ERG: variants seen among roughly 807,000 people sequenced by gnomAD.
ERG encodes ETS transcription factor ERG.
ERG carries 9 observed loss-of-function variants against 55.3 expected under a neutral mutation model. The observed-to-expected ratio is 0.16, with a 90% CI of 0.10 to 0.28. ERG has a LOEUF of 0.28. Ranked by LOEUF, ERG falls within the 10% of genes least tolerant of loss-of-function variation. ERG has a pLI of 1.00. For synonymous variants in ERG, 223 were observed against 237.3 expected, an observed-to-expected ratio of 0.94 and a Z score of 0.55; for missense variants, 434 against 631.6, an observed-to-expected ratio of 0.69 and a Z score of 3.35.
chr21:38,527,527 G>A (rs1232391114), intron 2 of ERG, among the ~76,000 whole-genome samples: 3 of 152,172 alleles, frequency 2.0e-5, no homozygotes, highest in Non-Finnish European at 2.9e-5. Flanking sequence ...AGTTTTGACC[G>A]CAGCTGATGA....
chr21:38,511,309 A>G (rs1204405221), intron 2 of ERG, among the ~76,000 whole-genome samples: 15 of 152,206 alleles, frequency 9.9e-5, no homozygotes, highest in Non-Finnish European at 2.2e-4. Context: ...ATATGAAATT[A>G]TTTCCAGCAT....
At chr21:38,449,839 G>A (rs2058924688) in intron 1 of ERG, among the ~76,000 whole-genome samples, 1 of 152,152 alleles carries the variant, frequency 6.6e-6, no homozygotes, top group Admixed American at 6.5e-5. Flanking sequence ...TTTGGGAGTG[G>A]TAAAGTGTTG....
At chr21:38,458,776 TTAAA>T (rs971358924) in intron 1 of ERG, among the ~76,000 whole-genome samples, 2 of 152,178 alleles carry the variant, frequency 1.3e-5, no homozygotes, top group African/African-American at 4.8e-5. Flanking sequence ...ACTTACTTAC[TTAAA>T]TATTTCACAG....
chr21:38,624,664 C>T (rs897200723), intron 1 of ERG, among the ~76,000 whole-genome samples: 2 of 152,132 alleles, frequency 1.3e-5, no homozygotes, highest in South Asian at 4.1e-4. Context: ...CGCTCACTGG[C>T]TATATGACCT....
At chr21:38,514,961 C>A (rs1601169523) in intron 2 of ERG, among the ~76,000 whole-genome samples, 1 of 151,846 alleles carries the variant, frequency 6.6e-6, no homozygotes, top group Admixed American at 6.6e-5. Flanking sequence ...CAATAGAAAT[C>A]AAAATTTTTA....
intron 1 of ERG, among the ~76,000 whole-genome samples, chr21:38,660,089 G>C (rs1211754657): frequency 6.6e-6 from 1 of 152,208 alleles, no homozygotes; most frequent in Non-Finnish European, 1.5e-5. Flanking sequence ...GTGTTGCGGG[G>C]TGTGCGGGAA....
intron 1 of ERG, among the ~76,000 whole-genome samples, chr21:38,600,117 C>G (rs147988792): frequency 8.5e-4 from 129 of 152,324 alleles, no homozygotes; most frequent in Middle Eastern, 6.8e-3. Context: ...ATCAGATAGA[C>G]AAACACCAAG....
At chr21:38,454,016 G>A (rs1045599562) in intron 1 of ERG, among the ~76,000 whole-genome samples, 4 of 152,016 alleles carry the variant, frequency 2.6e-5, no homozygotes, top group African/African-American at 9.7e-5. Context: ...TGGAATGGGT[G>A]CAAAAAATAC....
At chr21:38,632,459 T>A (rs1016988217) in intron 1 of ERG, among the ~76,000 whole-genome samples, 2 of 152,196 alleles carry the variant, frequency 1.3e-5, no homozygotes, top group Non-Finnish European at 2.9e-5. Context: ...CACCCAAGTC[T>A]CACCTTGAAT....
intron 1 of ERG, among the ~76,000 whole-genome samples, chr21:38,599,057 C>T (rs951257980): frequency 2.0e-5 from 3 of 152,148 alleles, no homozygotes; most frequent in Admixed American, 6.5e-5. Flanking sequence ...TAGGCTGCCT[C>T]CAAGGGTTCC....
At chr21:38,461,102 A>G (rs961560806) in intron 1 of ERG, among the ~76,000 whole-genome samples, 2 of 152,190 alleles carry the variant, frequency 1.3e-5, no homozygotes, top group African/African-American at 2.4e-5. Context: ...TGCCAAGACA[A>G]TGTACCACGG....
intron 3 of ERG, among the ~76,000 whole-genome samples, chr21:38,417,513 G>T (rs1989330010): frequency 6.6e-6 from 1 of 152,210 alleles, no homozygotes; most frequent in African/African-American, 2.4e-5. Flanking sequence ...AAGAGGCCAG[G>T]CCCGGTGGCT....
chr21:38,367,530 C>T, the ERG span: 1 of 452,648 alleles, frequency 2.2e-6, no homozygotes, highest in South Asian at 1.9e-5. Context: ...GCAGTCTCTT[C>T]CCCCAGAATA....
chr21:38,653,347 C>G (rs1471146871), intron 1 of ERG, among the ~76,000 whole-genome samples: 1 of 152,182 alleles, frequency 6.6e-6, no homozygotes, highest in Non-Finnish European at 1.5e-5. Flanking sequence ...GTGCCTTTCC[C>G]AGGATCCGGA....
intron 1 of ERG, chr21:38,471,403 A>G (rs1276662700): frequency 6.6e-6 from 1 of 152,226 alleles, no homozygotes; most frequent in Non-Finnish European, 1.5e-5. Flanking sequence ...GTTCACCTAA[A>G]ATTCAACCTT....
At chr21:38,487,953 T>C (rs2059301780) in intron 1 of ERG, among the ~76,000 whole-genome samples, 1 of 152,184 alleles carries the variant, frequency 6.6e-6, no homozygotes, top group Non-Finnish European at 1.5e-5. Context: ...CTAGAATATA[T>C]TCGTGCAATA....
At chr21:38,453,127 T>C (rs964966306) in intron 1 of ERG, among the ~76,000 whole-genome samples, 1 of 152,220 alleles carries the variant, frequency 6.6e-6, no homozygotes, top group Non-Finnish European at 1.5e-5. Flanking sequence ...ATAATTGCCA[T>C]TGGCAATATG....
intron 1 of ERG, among the ~76,000 whole-genome samples, chr21:38,454,877 G>C (rs1253339225): frequency 6.6e-6 from 1 of 152,146 alleles, no homozygotes; most frequent in Non-Finnish European, 1.5e-5. Flanking sequence ...TCAAGAGCAC[G>C]TCTGTCACTT....
At chr21:38,444,763 G>C (rs540356037) in intron 2 of ERG, among the ~76,000 whole-genome samples, 1 of 150,796 alleles carries the variant, frequency 6.6e-6, no homozygotes, top group Non-Finnish European at 1.5e-5. Flanking sequence ...ATTAAGAGAA[G>C]AGGACCGCAG....
Sources: allele counts gnomAD v4.1 joint callset (sites outside exome capture counted in the v4.1 genomes callset), GRCh38; gene constraint gnomAD v4.1.1; transcripts MANE v1.5; gene names NCBI Gene and HGNC (gene_info 2026-07-23, HGNC 2026-07-21).